Variants in CCL28 observed in about 807,000 individuals in gnomAD.
CCL28 encodes C-C motif chemokine ligand 28, also known as C-C motif chemokine 28.
CCL28 carries 4 observed loss-of-function variants against 7.1 expected under a neutral mutation model. The ratio of observed to expected loss-of-function variants is 0.56; its 90% CI spans 0.28 to 1.29. The LOEUF (loss-of-function observed/expected upper bound fraction) is 1.29, where lower values mean the gene tolerates loss of function less well. Ranked by LOEUF, CCL28 falls within the 50% of genes most tolerant of loss-of-function variation. The pLI is 0.11. For missense variants in CCL28, 151 were observed against 163.4 expected, an observed-to-expected ratio of 0.92 and a Z score of 0.41; for synonymous variants, 55 against 57.8, an observed-to-expected ratio of 0.95 and a Z score of 0.22.
At chr5:43,365,217 A>T in the CCL28 span, among the ~76,000 whole-genome samples, 1 of 151,866 alleles carries the variant, frequency 6.6e-6, no homozygotes, top group South Asian at 2.1e-4. Context: ...GTTAGCCAGG[A>T]TGGTCTCGAT....
At chr5:43,397,974 G>C (rs1476260753) in intron 1 of CCL28, among the ~76,000 whole-genome samples, 1 of 151,588 alleles carries the variant, frequency 6.6e-6, no homozygotes. Context: ...GGCAGAGTTG[G>C]GTCAAGAAAA....
At chr5:43,394,020 C>G (rs1740696365) in intron 1 of CCL28, among the ~76,000 whole-genome samples, 1 of 152,062 alleles carries the variant, frequency 6.6e-6, no homozygotes, top group Non-Finnish European at 1.5e-5. Flanking sequence ...CTCAGTAATA[C>G]TTTTTTTTCT....
At chr5:43,370,742 C>CTTTT in the CCL28 span, among the ~76,000 whole-genome samples, 1 of 38,976 alleles carries the variant, frequency 2.6e-5, no homozygotes, top group African/African-American at 1.2e-4. Context: ...CTCTTTCTCT[C>CTTTT]TCTTTTTTTT....
chr5:43,403,640 A>G (rs1394451788), intron 1 of CCL28, among the ~76,000 whole-genome samples: 1 of 152,250 alleles, frequency 6.6e-6, no homozygotes, highest in Non-Finnish European at 1.5e-5. Context: ...CTCACCAGCA[A>G]TGGAACAAAG....
chr5:43,396,476 G>T (rs1246031038), intron 1 of CCL28, among the ~76,000 whole-genome samples: 4 of 152,026 alleles, frequency 2.6e-5, no homozygotes, highest in Non-Finnish European at 4.4e-5. Flanking sequence ...TGGTTCACTC[G>T]CCTCTGACAA....
chr5:43,364,470 A>AT, the CCL28 span, among the ~76,000 whole-genome samples: 2 of 152,222 alleles, frequency 1.3e-5, no homozygotes, highest in Non-Finnish European at 2.9e-5. Flanking sequence ...CCATAAATAT[A>AT]TATAATTACA....
At chr5:43,385,758 A>G (rs1740310780) in intron 2 of CCL28, among the ~76,000 whole-genome samples, 1 of 152,248 alleles carries the variant, frequency 6.6e-6, no homozygotes, top group African/African-American at 2.4e-5. Context: ...TGAATAAAGT[A>G]AATATTTTTA....
the CCL28 span, among the ~76,000 whole-genome samples, chr5:43,362,144 G>A: frequency 5.9e-5 from 9 of 152,074 alleles, no homozygotes; most frequent in Middle Eastern, 6.8e-3. Context: ...AATGTTTTCC[G>A]CTTGTTTGTG....
At chr5:43,362,456 T>C in the CCL28 span, among the ~76,000 whole-genome samples, 1 of 152,188 alleles carries the variant, frequency 6.6e-6, no homozygotes, top group African/African-American at 2.4e-5. Context: ...ATTTACAATT[T>C]AATTATATTT....
chr5:43,380,272 G>A lies in CCL28; in HGVS notation c.*1588C>T, dbSNP rs1740056451. 6.6e-6 allele frequency: 1 copy of A among 152,136 alleles called. No individual in the cohort carries two copies. The highest frequency in any genetic ancestry group is 2.4e-5 in the African/African-American group (1 of 41,412). The allele number at this position is 152,136 out of a possible 1,614,324, so 9.4% of individuals were successfully genotyped here. A position where few individuals can be genotyped will look rare whatever the true frequency, so the allele number is the denominator to read the frequency against. On this transcript the variant is annotated 3_prime_UTR_variant, in exon 3 of 3. Coordinates refer to ENST00000361115, the MANE Select transcript of CCL28 (RefSeq NM_148672.3). ...CTAGTGCTGCTCCAAGAACTGACTG[G>A]GGGAGGCAAAAGGTTCTGGGCAGAA... is the stretch of plus-strand genomic sequence containing the variant.
intron 1 of CCL28, among the ~76,000 whole-genome samples, chr5:43,389,323 A>T (rs1317343824): frequency 6.6e-6 from 1 of 152,216 alleles, no homozygotes; most frequent in Non-Finnish European, 1.5e-5. Context: ...ACATTTATTA[A>T]TGCATTTATT....
downstream of CCL28, among the ~76,000 whole-genome samples, chr5:43,372,400 G>T (rs756965529): frequency 1.3e-5 from 2 of 152,118 alleles, no homozygotes; most frequent in Admixed American, 6.5e-5. Context: ...ACAGAATCTT[G>T]CTTTGACACC....
intron 1 of CCL28, among the ~76,000 whole-genome samples, chr5:43,397,433 A>G (rs1740859137): frequency 6.8e-6 from 1 of 147,920 alleles, no homozygotes; most frequent in Admixed American, 6.8e-5. Context: ...ATTTCTGTCT[A>G]CTTATGTGAT....
At chr5:43,400,642 G>C (rs772127203) in intron 1 of CCL28, among the ~76,000 whole-genome samples, 1 of 152,204 alleles carries the variant, frequency 6.6e-6, no homozygotes, top group Non-Finnish European at 1.5e-5. Flanking sequence ...AATTTGAAAG[G>C]CACTGGTACT....
intron 2 of CCL28, among the ~76,000 whole-genome samples, chr5:43,385,733 T>C (rs1164050169): frequency 1.3e-5 from 2 of 152,236 alleles, no homozygotes; most frequent in Non-Finnish European, 2.9e-5. Flanking sequence ...GAGAGGTCAA[T>C]TTACAAATTG....
rs566383052 is a variant in CCL28 at position 43,401,393 on chromosome 5, G to T, written c.64+10860C>A. 4.8e-4 allele frequency among the ~76,000 whole-genome samples: 73 copies of T among 152,306 alleles called. 1 individual carries two copies. The highest frequency in any genetic ancestry group is 1.7e-3 in the African/African-American group (70 of 41,556). On this transcript the variant is annotated intron_variant, in intron 1 of 2. Coordinates refer to ENST00000361115, the MANE Select transcript of CCL28 (RefSeq NM_148672.3). ...GATACAGACACTAGAGTGGTCAGGGGATAGTCTTGAAGGGGTTTGGATAAT... is the reference window on the plus strand; with the variant it reads ...GATACAGACACTAGAGTGGTCAGGGTATAGTCTTGAAGGGGTTTGGATAAT...
At chr5:43,396,044 G>T (rs1011557552) in intron 1 of CCL28, among the ~76,000 whole-genome samples, 1 of 151,754 alleles carries the variant, frequency 6.6e-6, no homozygotes, top group Admixed American at 6.6e-5. Flanking sequence ...GCTAATTTTT[G>T]TATTTTTAGT....
intron 1 of CCL28, among the ~76,000 whole-genome samples, chr5:43,400,021 A>T (rs962133204): frequency 2.0e-5 from 3 of 151,634 alleles, no homozygotes; most frequent in Admixed American, 6.6e-5. Flanking sequence ...AATTTTTAAA[A>T]TTTTTTGCAG....
chr5:43,401,045 T>C (rs1259669491), intron 1 of CCL28, among the ~76,000 whole-genome samples: 7 of 147,072 alleles, frequency 4.8e-5, no homozygotes, highest in Admixed American at 2.8e-4. Flanking sequence ...ACCACGCCAC[T>C]GCACTCCAGT....
Sources: gnomAD v4.1 joint callset for allele counts (sites outside exome capture counted in the v4.1 genomes callset) on GRCh38, gnomAD v4.1.1 for gene constraint, MANE v1.5 for transcripts, NCBI Gene and HGNC (gene_info 2026-07-23, HGNC 2026-07-21) for gene names.